Variants in STK40 observed in about 807,000 individuals in gnomAD.
STK40 encodes serine/threonine-protein kinase 40.
Under a neutral mutation model 47.9 loss-of-function variants are expected in STK40, and 13 were observed. That is an observed-to-expected ratio of 0.27 (90% confidence interval 0.18 to 0.43). The LOEUF is 0.43. STK40 is among the 20% of genes least tolerant of loss of function. The pLI, the probability that STK40 is intolerant of heterozygous loss-of-function variation, is 1.00. For synonymous variants in STK40, 225 were observed against 243.2 expected (o/e 0.93, Z 0.69); for missense variants, 460 against 595.1 (o/e 0.77, Z 2.36).
chr1:36,377,117 C>CA (rs941115125), intron 1 of STK40, among the ~76,000 whole-genome samples: 19 of 152,168 alleles, frequency 1.2e-4, no homozygotes, highest in Middle Eastern at 3.4e-3. Flanking sequence ...ACTAAGGGCC[C>CA]AAGGAGGGGA....
intron 7 of STK40, 96 bp downstream of exon 7, chr1:36,348,604 C>G: frequency 8.7e-7 from 1 of 1,147,516 alleles, no homozygotes; most frequent in Non-Finnish European, 1.3e-6. Flanking sequence ...AGCCCCAGCA[C>G]CTTGCCCAGG....
intron 1 of STK40, among the ~76,000 whole-genome samples, chr1:36,379,629 C>T (rs891156677): frequency 6.6e-6 from 1 of 152,024 alleles, no homozygotes; most frequent in Non-Finnish European, 1.5e-5. Context: ...ATCTGCCTGC[C>T]TCGGCCTCCT....
chr1:36,342,105 C>T, intron 10 of STK40, 132 bp from the exon 11 acceptor site: 1 of 867,682 alleles, frequency 1.2e-6, no homozygotes, highest in Non-Finnish European at 1.8e-6. Flanking sequence ...CACCCTCAGG[C>T]CTCAAGGCCG....
chr1:36,352,742 C>T (rs1303902621), intron 6 of STK40, among the ~76,000 whole-genome samples: 1 of 152,238 alleles, frequency 6.6e-6, no homozygotes, highest in Non-Finnish European at 1.5e-5. Flanking sequence ...CACTGTCCCT[C>T]CACATGTCCC....
At chr1:36,378,539 ACCT>A (rs1647011074) in intron 1 of STK40, among the ~76,000 whole-genome samples, 1 of 151,772 alleles carries the variant, frequency 6.6e-6, no homozygotes, top group Admixed American at 6.6e-5. Context: ...GCTCACTGCA[ACCT>A]CCGCCTCCTG....
chr1:36,381,187 C>G (rs944770548), intron 1 of STK40, among the ~76,000 whole-genome samples: 1 of 152,198 alleles, frequency 6.6e-6, no homozygotes, highest in African/African-American at 2.4e-5. Context: ...GGACTCCAAC[C>G]TCTCCCCAAC....
intron 7 of STK40, 105 bp from the exon 8 acceptor site, chr1:36,344,369 T>G: frequency 7.0e-7 from 1 of 1,438,418 alleles, no homozygotes; most frequent in Non-Finnish European, 9.2e-7. Context: ...TCACTTCCAG[T>G]CCCCCCAGAG....
chr1:36,354,491 G>T (rs1646785157), intron 5 of STK40, 75 bp from the exon 6 acceptor site: 4 of 1,503,008 alleles, frequency 2.7e-6, no homozygotes, highest in Non-Finnish European at 2.8e-6. Flanking sequence ...TAAGATGGGG[G>T]CTCTCCAGGT....
intron 1 of STK40, 138 bp from the exon 2 acceptor site, chr1:36,361,478 G>A: frequency 6.9e-7 from 1 of 1,444,794 alleles, no homozygotes; most frequent in Non-Finnish European, 9.1e-7. Flanking sequence ...TACCAGGGGA[G>A]CATCCAAGGC....
rs1368524802 is a variant in STK40 at position 36,340,803 on chromosome 1, A to C, written c.*952T>G. On this transcript the variant is annotated 3_prime_UTR_variant, in exon 11 of 11. Coordinates refer to ENST00000373132, the MANE Select transcript of STK40 (RefSeq NM_001282547.2). ...ATGTTCCCACCATCCCCTAAACACA[A>C]GAGTAGGCTAGGGGAGCGTGCAGGC... 1 of 152,342 alleles carries C rather than the reference A, an allele frequency of 6.6e-6. No homozygotes were observed. The highest frequency in any genetic ancestry group is 1.5e-5 in the Non-Finnish European group (1 of 68,122). The allele number at this position is 152,342 out of a possible 1,614,324, so 9.4% of individuals were successfully genotyped here. A position where few individuals can be genotyped will look rare whatever the true frequency, so the allele number is the denominator to read the frequency against.
At position 36,340,155 on chromosome 1, in the gene STK40, G is replaced by A. The variant is rs1646632122; in HGVS notation, c.*1600C>T. On this transcript the variant is annotated 3_prime_UTR_variant, in exon 11 of 11. Transcript: ENST00000373132. ...GAGACAGACGCAGGCTCGCTGCTCA[G>A]GGGGAGTAAGTGCTGGGCTCCAGTA... The A allele has an allele frequency of 6.5e-6, 1 of 152,828 alleles. No individual in the cohort carries two copies. Among genetic ancestry groups the A allele is most frequent in the East Asian group, 1.9e-4 (1 of 5,208 alleles). 9.5% of individuals were successfully genotyped at this position (152,828 alleles called of 1,614,324 possible). A position where few individuals can be genotyped will look rare whatever the true frequency, so the allele number is the denominator to read the frequency against.
At chr1:36,345,309 G>C (rs1646690001) in intron 7 of STK40, among the ~76,000 whole-genome samples, 1 of 152,266 alleles carries the variant, frequency 6.6e-6, no homozygotes, top group African/African-American at 2.4e-5. Context: ...AGGGCAAGCA[G>C]TTTAACCGGG....
chr1:36,369,280 T>G (rs972456024), intron 1 of STK40, among the ~76,000 whole-genome samples: 2 of 152,120 alleles, frequency 1.3e-5, no homozygotes, highest in African/African-American at 4.8e-5. Flanking sequence ...CCTGCTCTCC[T>G]CAGGCTGATC....
At chr1:36,354,508 G>T (rs1646785304) in intron 5 of STK40, 92 bp from the exon 6 acceptor site, 2 of 1,344,572 alleles carry the variant, frequency 1.5e-6, no homozygotes, top group Non-Finnish European at 2.1e-6. Flanking sequence ...AGGTGTTCGA[G>T]AAGGCAGGAA....
chr1:36,341,698 G>GC lies in STK40; in HGVS notation c.*56dup. 1.3e-6 allele frequency: 2 copies of GC among 1,589,074 alleles called. No homozygotes were observed. Among genetic ancestry groups the GC allele is most frequent in the Admixed American group, 3.4e-5 (2 of 59,512 alleles). On this transcript the variant is annotated 3_prime_UTR_variant, in exon 11 of 11. Coordinates refer to ENST00000373132, the MANE Select transcript of STK40 (RefSeq NM_001282547.2). ...TACAGGGCCCAGCCCTGACAGCCAC[G>GC]CCTTTGGCTGGGGCTGGAAGAAGTG...
At chr1:36,378,736 C>T (rs1184270139) in intron 1 of STK40, among the ~76,000 whole-genome samples, 1 of 152,162 alleles carries the variant, frequency 6.6e-6, no homozygotes, top group Non-Finnish European at 1.5e-5. Flanking sequence ...AGATTACAGG[C>T]GTGAGCCACC....
intron 10 of STK40, chr1:36,342,560 C>T (rs1276948531): frequency 6.3e-6 from 1 of 159,574 alleles, no homozygotes; most frequent in East Asian, 1.9e-4. Flanking sequence ...CCTGTTTCCT[C>T]TTCTGTAACA....
rs1557504448 is a variant in STK40, at chr1:36,344,333, C to T, written c.740-69G>A. The T allele has an allele frequency of 1.1e-5, 16 of 1,501,286 alleles. No individual in the cohort carries two copies. In the South Asian group the frequency reaches 1.6e-4, roughly 15 times the overall value. The allele number at this position is 1,501,286 out of a possible 1,614,324, so 93.0% of individuals were successfully genotyped here. A position where few individuals can be genotyped will look rare whatever the true frequency, so the allele number is the denominator to read the frequency against. ...ACCGTGGCTCACCAGCCTGGAATCC[C>T]ACCTGGGACCCTCCACCTGCCACCC... On this transcript the variant is annotated intron_variant, in intron 7 of 10. Coordinates refer to ENST00000373132, the MANE Select transcript of STK40 (RefSeq NM_001282547.2).
intron 7 of STK40, among the ~76,000 whole-genome samples, chr1:36,347,477 A>T (rs1225201405): frequency 1.3e-5 from 2 of 152,194 alleles, no homozygotes; most frequent in African/African-American, 4.8e-5. Flanking sequence ...ACGACTTTGG[A>T]CAAGAGATGT....
Sources: gnomAD v4.1 joint callset for allele counts (sites outside exome capture counted in the v4.1 genomes callset) on GRCh38, gnomAD v4.1.1 for gene constraint, MANE v1.5 for transcripts, NCBI Gene and HGNC (gene_info 2026-07-23, HGNC 2026-07-21) for gene names.